The following SLC25A12 variants were observed in gnomAD, a reference collection of about 807,000 sequenced individuals.
SLC25A12 encodes electrogenic aspartate/glutamate antiporter SLC25A12, mitochondrial.
In SLC25A12, 32 loss-of-function variants were observed where a neutral mutation model predicts 83.3. That is an observed-to-expected ratio of 0.38 (90% CI 0.29 to 0.52). The LOEUF (loss-of-function observed/expected upper bound fraction) is 0.52. Ranked by LOEUF, SLC25A12 falls within the 20% of genes least tolerant of loss-of-function variation. The pLI, the probability that SLC25A12 is intolerant of heterozygous loss-of-function variation, is 0.84. For synonymous variants in SLC25A12, 267 were observed against 291.1 expected, an observed-to-expected ratio of 0.92 and a Z score of 0.84; for missense variants, 611 against 835.6, an observed-to-expected ratio of 0.73 and a Z score of 3.31.
Position 171,834,645 on chromosome 2 carries a change from G to T in SLC25A12, c.751+82C>A, listed in dbSNP as rs1684518794. 4 of 1,471,282 alleles carry T rather than the reference G, an allele frequency of 2.7e-6. No individual in the cohort carries two copies. In the South Asian group the frequency reaches 3.4e-5, roughly 13 times the overall value. 91.1% of individuals were successfully genotyped at this position (1,471,282 alleles called of 1,614,324 possible). ...ACTTTCTAGATCTGGCTTTAGAGTG[G>T]TAAGCTTAGATCAACATCATGCCTC... is the stretch of plus-strand genomic sequence containing the variant. On this transcript the variant is annotated intron_variant, in intron 7 of 17. Coordinates refer to ENST00000422440, the MANE Select transcript of SLC25A12 (RefSeq NM_003705.5).
intron 13 of SLC25A12, among the ~76,000 whole-genome samples, chr2:171,802,520 T>C (rs561234126): frequency 6.6e-6 from 1 of 152,348 alleles, no homozygotes; most frequent in East Asian, 1.9e-4. Context: ...CTCACACCTG[T>C]AATCCCAGCA....
At position 171,868,738 on chromosome 2, in the gene SLC25A12, T is replaced by G; in HGVS notation, c.152A>C (p.Asn51Thr). The stretch of plus-strand genomic sequence containing the variant: ...GAGCTGCACGATCTTTGGGTTACTA[T>G]TTGGATCATTATACAGTCCAAGATA... ...QRYLGLYNDP[N>T]SNPKIVQLLA... The change falls in exon 3 of 18, where the codon AAT becomes ACT. Residue 51 changes from asparagine to threonine, a missense_variant. Physicochemically the swap from Asn to Thr is moderately conservative, Grantham distance 65. Coordinates refer to ENST00000422440, the MANE Select transcript of SLC25A12 (RefSeq NM_003705.5). The G allele has an allele frequency of 6.2e-7, 1 of 1,614,062 alleles. No homozygotes were observed. The highest frequency in any genetic ancestry group is 8.5e-7 in the Non-Finnish European group (1 of 1,179,908).
At chr2:171,786,234 A>AT (rs1558904499) in intron 17 of SLC25A12, among the ~76,000 whole-genome samples, 1 of 151,234 alleles carries the variant, frequency 6.6e-6, no homozygotes, top group African/African-American at 2.4e-5. Context: ...AAAAAAAAAA[A>AT]TTAGCCAGGC....
rs71401456 is a variant in SLC25A12 at position 171,804,252 on chromosome 2, C to CTTATTTAT, written c.1305+5346_1305+5353dup. Among the ~76,000 whole-genome samples the CTTATTTAT allele has an allele frequency of 1.2e-3, 179 of 150,720 alleles. 1 individual carries two copies. Among genetic ancestry groups the CTTATTTAT allele is most frequent in the Non-Finnish European group, 1.9e-3 (128 of 67,508 alleles). On this transcript the variant is annotated intron_variant, in intron 13 of 17. Transcript: ENST00000422440. ...TACAAAAGGCCACATATCATGATTC[C>CTTATTTAT]TTATTTATTTATTTATTTATTTTGA...
chr2:171,867,015 C>T (rs1343338799), intron 3 of SLC25A12, among the ~76,000 whole-genome samples: 6 of 149,364 alleles, frequency 4.0e-5, no homozygotes, highest in Non-Finnish European at 8.9e-5. Flanking sequence ...TGGGCAGAGG[C>T]GCTCCTCACA....
At chr2:171,849,330 A>G (rs1202501581) in intron 4 of SLC25A12, among the ~76,000 whole-genome samples, 1 of 150,588 alleles carries the variant, frequency 6.6e-6, no homozygotes, top group Non-Finnish European at 1.5e-5. Context: ...AAGCTACTCT[A>G]ATAGCCTTGA....
intron 2 of SLC25A12, among the ~76,000 whole-genome samples, chr2:171,882,548 A>G (rs1685719552): frequency 6.6e-6 from 1 of 152,250 alleles, no homozygotes; most frequent in Non-Finnish European, 1.5e-5. Context: ...TGAAAGGTGC[A>G]TGATCCCTGG....
At chr2:171,809,475 T>C (rs1253237329) in intron 13 of SLC25A12, 131 bp downstream of exon 13, 14 of 783,170 alleles carry the variant, frequency 1.8e-5, no homozygotes, top group Non-Finnish European at 3.0e-5. Flanking sequence ...ACTTATTCCA[T>C]ATGATTATTG....
chr2:171,885,671 CAATAAATAAATAAATA>C (rs67489934), intron 2 of SLC25A12, among the ~76,000 whole-genome samples: 5 of 149,366 alleles, frequency 3.3e-5, no homozygotes, highest in African/African-American at 5.0e-5. Flanking sequence ...AACTCTGTCT[CAATAAATAAATAAATA>C]AATAAATAAA....
At chr2:171,879,745 G>T (rs1465537158) in intron 2 of SLC25A12, among the ~76,000 whole-genome samples, 1 of 152,148 alleles carries the variant, frequency 6.6e-6, no homozygotes. Context: ...GACAATCAAG[G>T]TGCTGCTCCT....
intron 2 of SLC25A12, among the ~76,000 whole-genome samples, chr2:171,873,747 T>C (rs1266452861): frequency 6.6e-6 from 1 of 152,054 alleles, no homozygotes; most frequent in African/African-American, 2.4e-5. Flanking sequence ...ATAATGTTAA[T>C]ATATATACAT....
chr2:171,789,954 A>T (rs959874450), intron 15 of SLC25A12, among the ~76,000 whole-genome samples: 1 of 152,174 alleles, frequency 6.6e-6, no homozygotes, highest in African/African-American at 2.4e-5. Flanking sequence ...CAAACAGCTC[A>T]CTGCCAAGAC....
At chr2:171,822,834 A>C (rs77460920) in intron 9 of SLC25A12, among the ~76,000 whole-genome samples, 3,202 of 152,330 alleles carry the variant, frequency 0.021, 53 homozygotes, top group Middle Eastern at 0.037. Context: ...AACAACTTTC[A>C]TAAGGTGAGA....
intron 4 of SLC25A12, among the ~76,000 whole-genome samples, chr2:171,848,667 A>G (rs922080813): frequency 6.6e-5 from 10 of 152,208 alleles, no homozygotes; most frequent in Non-Finnish European, 1.5e-4. Flanking sequence ...CAACAACAGG[A>G]ACTTGTAGAG....
intron 8 of SLC25A12, among the ~76,000 whole-genome samples, chr2:171,827,682 C>T (rs974374086): frequency 6.6e-6 from 1 of 152,192 alleles, no homozygotes; most frequent in Admixed American, 6.5e-5. Context: ...TGCTTCAATA[C>T]ATCTATGCTT....
chr2:171,877,628 C>T (rs560220774), intron 2 of SLC25A12, among the ~76,000 whole-genome samples: 31 of 149,282 alleles, frequency 2.1e-4, no homozygotes, highest in Non-Finnish European at 3.5e-4. Flanking sequence ...TCGTGCCACT[C>T]ACTGCACTCC....
At chr2:171,829,612 C>A (rs1279150222) in intron 8 of SLC25A12, among the ~76,000 whole-genome samples, 1 of 152,160 alleles carries the variant, frequency 6.6e-6, no homozygotes, top group Non-Finnish European at 1.5e-5. Context: ...AGGGGCTGGT[C>A]TGAGTGTAGG....
At chr2:171,890,657 A>T (rs1326215880) in intron 2 of SLC25A12, among the ~76,000 whole-genome samples, 1 of 151,986 alleles carries the variant, frequency 6.6e-6, no homozygotes, top group Non-Finnish European at 1.5e-5. Context: ...AATTTTTAAA[A>T]TTTTTTGCAG....
At chr2:171,814,205 G>A (rs897597486) in intron 10 of SLC25A12, among the ~76,000 whole-genome samples, 5 of 152,098 alleles carry the variant, frequency 3.3e-5, no homozygotes, top group Middle Eastern at 3.4e-3. Context: ...TTAAAAAATC[G>A]TAAGCATTTT....
Sources: allele counts gnomAD v4.1 joint callset (sites outside exome capture counted in the v4.1 genomes callset), GRCh38; gene constraint gnomAD v4.1.1; transcripts MANE v1.5; gene names NCBI Gene and HGNC (gene_info 2026-07-23, HGNC 2026-07-21).